Variants in PCDHGB1 observed in about 807,000 individuals in gnomAD.
The protein encoded by PCDHGB1 is protocadherin gamma subfamily B, 1, also known as protocadherin gamma-B1.
In PCDHGB1, 34 loss-of-function variants were observed where a neutral mutation model predicts 56.6. The ratio of observed to expected loss-of-function variants is 0.60; its 90% CI spans 0.46 to 0.80. PCDHGB1 has a LOEUF of 0.80. PCDHGB1 is among the 30% of genes least tolerant of loss of function. PCDHGB1 has a pLI of 0.00. For missense variants in PCDHGB1, 1,278 were observed against 1,204.6 expected (o/e 1.06, Z -0.90); for synonymous variants, 561 against 505.9 (o/e 1.11, Z -1.46).
intron 1 of PCDHGB1, chr5:141,422,068 T>C (rs1340696188): frequency 2.5e-6 from 4 of 1,612,076 alleles, no homozygotes; most frequent in Non-Finnish European, 3.4e-6. Flanking sequence ...AGTAATGTAT[T>C]CATTTCGGAA....
rs1429860093 is a variant in PCDHGB1, at chr5:141,487,828, C to A, written c.2410-6979C>A. 3 of 1,184,120 alleles carry A rather than the reference C, an allele frequency of 2.5e-6. No individual in the cohort carries two copies. The highest frequency in any genetic ancestry group is 1.5e-5 in the African/African-American group (1 of 64,540). The allele number at this position is 1,184,120 out of a possible 1,614,324, so 73.4% of individuals were successfully genotyped here. A position where few individuals can be genotyped will look rare whatever the true frequency, so the allele number is the denominator to read the frequency against. ...AGTTTAGCATTGGGGGCGGGTCATG[C>A]CTATATCTGAGTAAGAAATGAAAGT... On this transcript the variant is annotated intron_variant, in intron 1 of 3. Coordinates refer to ENST00000523390, the MANE Select transcript of PCDHGB1 (RefSeq NM_018922.3). The surrounding 1 kb of genome is among the most constrained non-coding windows in gnomAD (Gnocchi z 5.0).
chr5:141,415,249 G>A (rs756443082), intron 1 of PCDHGB1: 1 of 1,614,204 alleles, frequency 6.2e-7, no homozygotes, highest in South Asian at 1.1e-5. Context: ...TGAAACCTCA[G>A]ACCTCACTCT....
intron 1 of PCDHGB1, among the ~76,000 whole-genome samples, chr5:141,450,888 G>A (rs1038570371): frequency 6.9e-5 from 10 of 145,278 alleles, no homozygotes; most frequent in Admixed American, 4.1e-4. Context: ...GCAGTGGTGC[G>A]ATATCGGCTC....
chr5:141,423,374 G>T (rs1356564295), intron 1 of PCDHGB1: 2 of 1,614,188 alleles, frequency 1.2e-6, no homozygotes, highest in Admixed American at 1.7e-5. Context: ...CTGGCACTCA[G>T]GCTGTGGCGC....
chr5:141,509,979 T>C (rs908103989), intron 3 of PCDHGB1, among the ~76,000 whole-genome samples: 4 of 152,204 alleles, frequency 2.6e-5, no homozygotes, highest in African/African-American at 7.2e-5. Context: ...CTTCTAACAC[T>C]TGGTTCCCTC....
chr5:141,419,886 G>A lies in PCDHGB1; in HGVS notation c.2409+67217G>A, dbSNP rs1195529127. ...TTGCAAGAGGTACTGCCGGATTTCA[G>A]CGACCATCCCACACCCTCTGACTCC... On this transcript the variant is annotated intron_variant, in intron 1 of 3. Transcript: ENST00000523390. 1.9e-6 allele frequency: 3 copies of A among 1,614,076 alleles called. No individual in the cohort carries two copies. In the East Asian group the frequency reaches 6.7e-5, roughly 36 times the overall value.
intron 1 of PCDHGB1, among the ~76,000 whole-genome samples, chr5:141,469,449 C>A (rs1017174114): frequency 2.0e-5 from 3 of 151,846 alleles, no homozygotes; most frequent in African/African-American, 7.3e-5. Context: ...GTGGTGCACA[C>A]CTGTAGTCTC....
chr5:141,455,130 A>T (rs1446894125), intron 1 of PCDHGB1, among the ~76,000 whole-genome samples: 2 of 150,970 alleles, frequency 1.3e-5, no homozygotes, highest in African/African-American at 4.8e-5. Flanking sequence ...GTTTTAAATT[A>T]CACTGTGTTA....
chr5:141,392,809 CA>C, intron 1 of PCDHGB1: 1 of 1,578,772 alleles, frequency 6.3e-7, no homozygotes, highest in Non-Finnish European at 8.6e-7. Flanking sequence ...TGCAGCAAAA[CA>C]ACAATGGCCG....
chr5:141,377,448 G>A (rs976885039), intron 1 of PCDHGB1: 1 of 151,974 alleles, frequency 6.6e-6, no homozygotes, highest in Non-Finnish European at 1.5e-5. Flanking sequence ...AGAAAAAAAA[G>A]TAGCCAGATG....
chr5:141,383,381 A>G, intron 1 of PCDHGB1: 2 of 1,614,034 alleles, frequency 1.2e-6, no homozygotes, highest in Non-Finnish European at 1.7e-6. Flanking sequence ...GGGGATCCAG[A>G]TGTGGGCACG....
chr5:141,383,658 G>A, intron 1 of PCDHGB1: 1 of 1,614,036 alleles, frequency 6.2e-7, no homozygotes, highest in Admixed American at 1.7e-5. Context: ...CTGTCCCCGA[G>A]AATGTGCCAG....
chr5:141,422,018 T>C, intron 1 of PCDHGB1: 1 of 1,610,840 alleles, frequency 6.2e-7, no homozygotes, highest in Non-Finnish European at 8.5e-7. Context: ...CGGGTGCTGA[T>C]GGTTAATGCA....
rs780024608 is a variant in PCDHGB1, at chr5:141,376,291, C to T, written c.2409+23622C>T. Reference sequence around the variant, plus strand: ...CGGGAGGTGGCTTAGCGAGCATGCCCGGCTCGCACTTTGTGGGCGTGGAAG... The same window carrying T: ...CGGGAGGTGGCTTAGCGAGCATGCCTGGCTCGCACTTTGTGGGCGTGGAAG... On this transcript the variant is annotated intron_variant, in intron 1 of 3. Coordinates refer to ENST00000523390, the MANE Select transcript of PCDHGB1 (RefSeq NM_018922.3). 8 of 1,614,158 alleles carry T rather than the reference C, an allele frequency of 5.0e-6. No homozygotes were observed. The East Asian group carries it at 6.7e-5, about 13-fold the overall frequency.
intron 1 of PCDHGB1, chr5:141,398,901 C>T: frequency 9.9e-6 from 16 of 1,613,954 alleles, no homozygotes; most frequent in Non-Finnish European, 1.3e-5. Flanking sequence ...TGCCACCAGG[C>T]ACCACTGTGT....
chr5:141,375,539 CAA>C lies in PCDHGB1; in HGVS notation c.2409+22871_2409+22872del, dbSNP rs761563017. The C allele has an allele frequency of 1.7e-5, 28 of 1,613,986 alleles. No homozygotes were observed. The East Asian group carries it at 6.0e-4, about 35-fold the overall frequency. On this transcript the variant is annotated intron_variant, in intron 1 of 3. Transcript: ENST00000523390. ...GGACCCTGACGTGGACCAGAACGCC[CAA>C]GTCTCCTACTCACTGGCAGAAGACA...
In PCDHGB1 at chr5:141,489,652, C is replaced by A. The variant is rs767143028; in HGVS notation, c.2410-5155C>A. On this transcript the variant is annotated intron_variant, in intron 1 of 3. Transcript: ENST00000523390. The surrounding 1 kb of genome is among the most constrained non-coding windows in gnomAD (Gnocchi z 4.5). ...CTCTCCTAGCTTTGCCACCCCTGAG[C>A]GAGAGATGCGCATCTCAGAATCAGC... 34 of 1,614,024 alleles carry A rather than the reference C, an allele frequency of 2.1e-5. No homozygotes were observed. The Middle Eastern group carries it at 6.6e-4, about 31-fold the overall frequency.
chr5:141,441,737 C>CG, intron 1 of PCDHGB1: 1 of 365,242 alleles, frequency 2.7e-6, no homozygotes, highest in South Asian at 2.2e-5. Flanking sequence ...AGGACTAGCT[C>CG]GCGCTCGGCG....
intron 1 of PCDHGB1, chr5:141,361,238 T>C: frequency 1.2e-6 from 2 of 1,613,980 alleles, no homozygotes; most frequent in South Asian, 2.2e-5. Context: ...GTGATCGCCT[T>C]GATAAAAACG....
Sources: gnomAD v4.1 joint callset for allele counts (sites outside exome capture counted in the v4.1 genomes callset) on GRCh38, gnomAD v4.1.1 for gene constraint, Gnocchi (gnomAD v3.1) non-coding constraint, MANE v1.5 for transcripts, NCBI Gene and HGNC (gene_info 2026-07-23, HGNC 2026-07-21) for gene names.